Variants in MYO16 observed in about 807,000 individuals in gnomAD.
MYO16 encodes the protein myosin XVI, also known as unconventional myosin-XVI.
MYO16 carries 94 observed loss-of-function variants against 205.3 expected under a neutral mutation model. That is an observed-to-expected ratio of 0.46 (90% confidence interval 0.39 to 0.54). MYO16 has a LOEUF of 0.54. Among genes scored for constraint, MYO16 ranks in the 20% least tolerant of loss-of-function variants. The probability of loss-of-function intolerance (pLI) is 0.00; values close to 1 mark genes in which losing one functional copy is unlikely to be tolerated. For synonymous variants in MYO16, 988 were observed against 954.0 expected (o/e 1.04, Z -0.66); for missense variants, 2,315 against 2,387.5 (o/e 0.97, Z 0.63).
chr13:108,932,058 C>G (rs1258740339), intron 16 of MYO16, among the ~76,000 whole-genome samples: 1 of 152,200 alleles, frequency 6.6e-6, no homozygotes, highest in African/African-American at 2.4e-5. Context: ...TGCTTTCTTA[C>G]ACTTCATTCC....
At chr13:109,036,242 T>C (rs1431273) in intron 23 of MYO16, among the ~76,000 whole-genome samples, 57,567 of 152,016 alleles carry the variant, frequency 0.38, 11,781 homozygotes, top group East Asian at 0.83. Context: ...TTCTGTGGCG[T>C]TCTCTTGCCT....
intron 11 of MYO16, among the ~76,000 whole-genome samples, chr13:108,859,249 C>G (rs1878343431): frequency 6.6e-6 from 1 of 150,400 alleles, no homozygotes; most frequent in African/African-American, 2.4e-5. Flanking sequence ...GAAAATAATT[C>G]TTGTTTTGTT....
chr13:109,093,221 A>G (rs1413029608), intron 27 of MYO16, among the ~76,000 whole-genome samples: 1 of 152,196 alleles, frequency 6.6e-6, no homozygotes, highest in African/African-American at 2.4e-5. Context: ...AAGAAGGGGA[A>G]GTTGAAAGTG....
chr13:108,826,244 A>G (rs390790), intron 9 of MYO16, among the ~76,000 whole-genome samples: 4,216 of 152,214 alleles, frequency 0.028, 184 homozygotes, highest in African/African-American at 0.093. Context: ...ACAGAATAGA[A>G]CTGAGAATCC....
intron 33 of MYO16, among the ~76,000 whole-genome samples, chr13:109,174,158 T>C (rs912166556): frequency 1.6e-4 from 25 of 152,070 alleles, no homozygotes; most frequent in African/African-American, 6.0e-4. Flanking sequence ...ACTCCAAGAA[T>C]TTGAGGCAAA....
chr13:109,152,835 C>T (rs1877751355), intron 32 of MYO16, among the ~76,000 whole-genome samples: 1 of 152,200 alleles, frequency 6.6e-6, no homozygotes, highest in South Asian at 2.1e-4. Flanking sequence ...CTATTACTAT[C>T]TGCAGTTTGC....
Position 108,668,967 on chromosome 13 carries a change from T to C in MYO16, c.292+2818T>C, listed in dbSNP as rs74796148. ...GACAACTAGAAGAATGAAATGCCAT[T>C]AGCCACAGTAGGAGTGCCTCTAGGA... On this transcript the variant is annotated intron_variant, in intron 2 of 34. Coordinates refer to ENST00000457511, the MANE Select transcript of MYO16 (RefSeq NM_001198950.3). Among the ~76,000 whole-genome samples, 95 of 152,174 alleles carry C rather than the reference T, an allele frequency of 6.2e-4. 1 individual carries two copies. The highest frequency in any genetic ancestry group is 2.1e-3 in the African/African-American group (89 of 41,552).
At chr13:108,853,933 A>G (rs1878024217) in intron 10 of MYO16, among the ~76,000 whole-genome samples, 2 of 120,238 alleles carry the variant, frequency 1.7e-5, no homozygotes. Flanking sequence ...CATGCCCACT[A>G]CTCAATTTGT....
the MYO16 span, among the ~76,000 whole-genome samples, chr13:108,522,574 C>A: frequency 1.3e-5 from 2 of 152,106 alleles, no homozygotes; most frequent in African/African-American, 4.8e-5. Flanking sequence ...TATTGACTCC[C>A]ATAAATCTTG....
intron 28 of MYO16, among the ~76,000 whole-genome samples, chr13:109,114,209 C>G (rs1193353630): frequency 6.6e-6 from 1 of 152,094 alleles, no homozygotes; most frequent in Non-Finnish European, 1.5e-5. Flanking sequence ...GGGTCTTACT[C>G]CTGAAAATGT....
chr13:109,027,720 AGCAATAAAT>A (rs1428045973), intron 23 of MYO16, among the ~76,000 whole-genome samples: 1 of 152,210 alleles, frequency 6.6e-6, no homozygotes, highest in Non-Finnish European at 1.5e-5. Flanking sequence ...GTACAGGACA[AGCAATAAAT>A]GCAGATACAA....
intron 5 of MYO16, among the ~76,000 whole-genome samples, chr13:108,788,902 G>T (rs1049726106): frequency 9.2e-5 from 14 of 151,980 alleles, no homozygotes; most frequent in African/African-American, 2.7e-4. Flanking sequence ...GGTTTCCTTC[G>T]AATGCTTCCC....
At chr13:109,194,502 T>C (rs1880062576) in intron 34 of MYO16, among the ~76,000 whole-genome samples, 1 of 152,132 alleles carries the variant, frequency 6.6e-6, no homozygotes, top group African/African-American at 2.4e-5. Context: ...TTTAAGGATA[T>C]AAATGATATC....
In MYO16 at chr13:109,084,738, CT is replaced by C. The variant is rs892324020; in HGVS notation, c.3336-16038del. On this transcript the variant is annotated intron_variant, in intron 27 of 34. Coordinates refer to ENST00000457511, the MANE Select transcript of MYO16 (RefSeq NM_001198950.3). The stretch of plus-strand genomic sequence containing the variant: ...CATTTCTCCTTCCTTCCCTTCCTTC[CT>C]TTTTTTTTATTCATGCAGCAATAGT... 1.5e-3 allele frequency among the ~76,000 whole-genome samples: 218 copies of C among 150,296 alleles called. 1 individual carries two copies. Among genetic ancestry groups the C allele is most frequent in the African/African-American group, 4.9e-3 (200 of 40,960 alleles).
chr13:109,073,212 C>T (rs1311066964), intron 27 of MYO16, among the ~76,000 whole-genome samples: 1 of 151,802 alleles, frequency 6.6e-6, no homozygotes, highest in South Asian at 2.1e-4. Context: ...AGCGATTCTC[C>T]TGCCTCAGCA....
intron 13 of MYO16, chr13:108,886,593 C>A (rs1221103147): frequency 7.1e-6 from 3 of 425,148 alleles, no homozygotes; most frequent in Admixed American, 2.5e-5. Context: ...GGCGGCTCCA[C>A]CCCCCGTCCT....
In MYO16 at chr13:109,185,059, C is replaced by T. The variant is rs138362305; in HGVS notation, c.5415+5426C>T. 3.2e-3 allele frequency among the ~76,000 whole-genome samples: 484 copies of T among 152,184 alleles called. 3 individuals are homozygous for T. Among genetic ancestry groups the T allele is most frequent in the African/African-American group, 0.011 (461 of 41,500 alleles). ...AAGTGTTATTACAGGAGTGAGCCAC[C>T]GCACCTGGCTGTGACTACATTTTTA... On this transcript the variant is annotated intron_variant, in intron 34 of 34. Coordinates refer to ENST00000457511, the MANE Select transcript of MYO16 (RefSeq NM_001198950.3).
intron 2 of MYO16, among the ~76,000 whole-genome samples, chr13:108,668,799 C>A (rs115808094): frequency 0.021 from 3,183 of 152,236 alleles, 93 homozygotes; most frequent in African/African-American, 0.072. Context: ...CCAGAGGCAG[C>A]TCACTAGTAA....
intron 4 of MYO16, among the ~76,000 whole-genome samples, chr13:108,735,963 G>A (rs754923244): frequency 3.9e-4 from 58 of 147,816 alleles, no homozygotes; most frequent in Admixed American, 7.6e-4. Context: ...GTCTGTTCAT[G>A]TCCTTTGCCC....
Sources: gnomAD v4.1 joint callset for allele counts (sites outside exome capture counted in the v4.1 genomes callset) on GRCh38, gnomAD v4.1.1 for gene constraint, MANE v1.5 for transcripts, NCBI Gene and HGNC (gene_info 2026-07-23, HGNC 2026-07-21) for gene names.